CCR3: variants seen among roughly 807,000 people sequenced by gnomAD.
CCR3 encodes the protein C-C chemokine receptor type 3.
For synonymous variants in CCR3, 203 were observed against 179.2 expected, an observed-to-expected ratio of 1.13 and a Z score of -1.06; for missense variants, 419 against 437.5, an observed-to-expected ratio of 0.96 and a Z score of 0.38.
At chr3:46,231,662 C>A (rs1305205231) in intron 2 of CCR3, among the ~76,000 whole-genome samples, 1 of 152,098 alleles carries the variant, frequency 6.6e-6, no homozygotes, top group African/African-American at 2.4e-5. Context: ...CAGGAGGAAA[C>A]TTTTGAAGTG....
At chr3:46,217,963 T>A in intron 2 of CCR3, among the ~76,000 whole-genome samples, 1 of 148,346 alleles carries the variant, frequency 6.7e-6, no homozygotes. Flanking sequence ...AATACAAAGA[T>A]CAGAGCAGAA....
chr3:46,240,905 C>T (rs1700074798), upstream of CCR3, among the ~76,000 whole-genome samples: 5 of 152,142 alleles, frequency 3.3e-5, no homozygotes, highest in Non-Finnish European at 7.4e-5. Context: ...TGAGATCTTA[C>T]TATCAGTCGA....
chr3:46,216,215 T>A (rs951245227), intron 2 of CCR3, among the ~76,000 whole-genome samples: 1 of 152,240 alleles, frequency 6.6e-6, no homozygotes, highest in East Asian at 1.9e-4. Context: ...TGTAAGGGAC[T>A]GATTAAGTCC....
intron 2 of CCR3, among the ~76,000 whole-genome samples, chr3:46,230,156 A>C (rs1699945390): frequency 6.6e-6 from 1 of 152,200 alleles, no homozygotes; most frequent in African/African-American, 2.4e-5. Flanking sequence ...AAAGGTAAGA[A>C]GGACTCCACA....
chr3:46,262,082 T>C (rs1015977455), intron 1 of CCR3, among the ~76,000 whole-genome samples: 9 of 152,180 alleles, frequency 5.9e-5, no homozygotes, highest in Middle Eastern at 6.3e-3. Context: ...CAAGTTGTAG[T>C]GGCCCTTCCT....
In CCR3 at chr3:46,227,956, G is replaced by A. The variant is rs188154852; in HGVS notation, c.-67-14446G>A. ...CTCGGTGAATGTTCCATAGGTACTT[G>A]AAAAAGTGTATTCGTTGTGAAGGTA... On this transcript the variant is annotated intron_variant, in intron 2 of 3. Coordinates refer to the CCR3 transcript ENST00000357422. Among the ~76,000 whole-genome samples, 590 of 151,998 alleles carry A rather than the reference G, an allele frequency of 3.9e-3. 2 individuals carry two copies. Among genetic ancestry groups the A allele is most frequent in the African/African-American group, 0.013 (550 of 41,428 alleles).
chr3:46,234,428 A>G (rs1232127765), intron 2 of CCR3, among the ~76,000 whole-genome samples: 1 of 152,168 alleles, frequency 6.6e-6, no homozygotes, highest in African/African-American at 2.4e-5. Context: ...GTGAAACATC[A>G]GATCCAAGAT....
chr3:46,249,071 A>C (rs1700256227), intron 1 of CCR3, among the ~76,000 whole-genome samples: 1 of 152,120 alleles, frequency 6.6e-6, no homozygotes, highest in Admixed American at 6.5e-5. Context: ...GAGCAGGGTA[A>C]GGGTGATTAG....
intron 2 of CCR3, among the ~76,000 whole-genome samples, chr3:46,211,744 C>CT (rs1266372289): frequency 3.9e-5 from 6 of 151,998 alleles, no homozygotes; most frequent in Non-Finnish European, 8.8e-5. Flanking sequence ...CACACACACA[C>CT]TTTTTTTTAC....
intron 1 of CCR3, chr3:46,264,191 C>T: frequency 3.8e-6 from 2 of 523,816 alleles, no homozygotes; most frequent in South Asian, 4.4e-5. Context: ...TTGACTGACC[C>T]CTCCTGCTTA....
intron 2 of CCR3, among the ~76,000 whole-genome samples, chr3:46,226,417 C>CTAAGTA (rs1384535263): frequency 1.1e-4 from 17 of 152,144 alleles, no homozygotes; most frequent in African/African-American, 3.6e-4. Context: ...AGAGTTATAC[C>CTAAGTA]TAAGTATCAT....
intron 1 of CCR3, among the ~76,000 whole-genome samples, chr3:46,244,930 A>G (rs1396970786): frequency 6.6e-6 from 1 of 152,156 alleles, no homozygotes; most frequent in African/African-American, 2.4e-5. Flanking sequence ...GGTCATGGTG[A>G]CTATCCCACA....
chr3:46,233,323 G>C (rs1203925369), intron 2 of CCR3, among the ~76,000 whole-genome samples: 1 of 152,220 alleles, frequency 6.6e-6, no homozygotes, highest in African/African-American at 2.4e-5. Context: ...CTGGTGCCCG[G>C]GAAGGAAGGT....
chr3:46,264,245 G>A (rs932603553), intron 1 of CCR3: 3 of 630,114 alleles, frequency 4.8e-6, no homozygotes, highest in Non-Finnish European at 8.3e-6. Flanking sequence ...CTTTTTGCAT[G>A]TTACCAGGCC....
chr3:46,222,483 G>A (rs1026015202), intron 2 of CCR3, among the ~76,000 whole-genome samples: 2 of 152,162 alleles, frequency 1.3e-5, no homozygotes, highest in African/African-American at 4.8e-5. Flanking sequence ...TGCCAGGCTA[G>A]TAGAGAACTC....
intron 2 of CCR3, among the ~76,000 whole-genome samples, chr3:46,227,211 T>C (rs1025360838): frequency 6.6e-6 from 1 of 152,136 alleles, no homozygotes; most frequent in African/African-American, 2.4e-5. Context: ...CACTCTGTCA[T>C]AGATATTTTA....
At chr3:46,238,245 T>G (rs1214624365), upstream of CCR3, among the ~76,000 whole-genome samples, 1 of 80,814 alleles carries the variant, frequency 1.2e-5, no homozygotes, top group South Asian at 4.6e-4. Flanking sequence ...GCACTTGATA[T>G]TGTCAATTTA....
intron 2 of CCR3, among the ~76,000 whole-genome samples, chr3:46,225,249 C>T (rs1240711260): frequency 2.6e-5 from 4 of 152,180 alleles, no homozygotes; most frequent in African/African-American, 7.2e-5. Flanking sequence ...AGGGAACATT[C>T]TGGGGTTCTA....
At chr3:46,224,966 TA>T (rs1699877825) in intron 2 of CCR3, among the ~76,000 whole-genome samples, 1 of 152,172 alleles carries the variant, frequency 6.6e-6, no homozygotes, top group Non-Finnish European at 1.5e-5. Flanking sequence ...GAAGTGCACA[TA>T]AACCCAAAAG....
Sources: gnomAD v4.1 joint callset for allele counts (sites outside exome capture counted in the v4.1 genomes callset) on GRCh38, gnomAD v4.1.1 for gene constraint, MANE v1.5 for transcripts, NCBI Gene and HGNC (gene_info 2026-07-23, HGNC 2026-07-21) for gene names.